Variants in GRID1 observed in about 807,000 individuals in gnomAD.
GRID1 encodes the protein glutamate ionotropic receptor delta type subunit 1.
Under a neutral mutation model 98.0 loss-of-function variants are expected in GRID1, and 28 were observed. The observed-to-expected ratio is 0.29, with a 90% CI of 0.21 to 0.39. GRID1 has a LOEUF of 0.39. Ranked by LOEUF, GRID1 falls within the 10% of genes least tolerant of loss-of-function variation. The pLI, the probability that GRID1 is intolerant of heterozygous loss-of-function variation, is 1.00. For synonymous variants in GRID1, 553 were observed against 538.5 expected, an observed-to-expected ratio of 1.03 and a Z score of -0.37; for missense variants, 1,111 against 1,340.5, an observed-to-expected ratio of 0.83 and a Z score of 2.67.
In GRID1 at chr10:86,065,609, G is replaced by T. The variant is rs559810261; in HGVS notation, c.726+73210C>A. ...GCTATTTCTGATTCCTGCCTCCCTA[G>T]CACCTAACACAAAGCCAGGCCCTTA... On this transcript the variant is annotated intron_variant, in intron 4 of 15. Coordinates refer to ENST00000327946, the MANE Select transcript of GRID1 (RefSeq NM_017551.3). Among the ~76,000 whole-genome samples, 9 of 152,338 alleles carry T rather than the reference G, an allele frequency of 5.9e-5. No individual in the cohort carries two copies. The South Asian group carries it at 1.9e-3, about 32-fold the overall frequency.
At chr10:86,055,943 GA>G (rs1450928275) in intron 4 of GRID1, among the ~76,000 whole-genome samples, 3 of 152,186 alleles carry the variant, frequency 2.0e-5, no homozygotes, top group African/African-American at 7.2e-5. Context: ...CCAGCCTCCA[GA>G]AATGTGAGAA....
Position 86,007,330 on chromosome 10 carries a change from C to T in GRID1, c.727-91091G>A, listed in dbSNP as rs184473094. On this transcript the variant is annotated intron_variant, in intron 4 of 15. Coordinates refer to ENST00000327946, the MANE Select transcript of GRID1 (RefSeq NM_017551.3). Reference sequence around the variant, plus strand: ...CCCACTGACACTGACCGCTGGAATCCTCAGGTTCTTGAGTTCCAAGTCTGA... The same window carrying T: ...CCCACTGACACTGACCGCTGGAATCTTCAGGTTCTTGAGTTCCAAGTCTGA... Among the ~76,000 whole-genome samples, 72 of 152,328 alleles carry T rather than the reference C, an allele frequency of 4.7e-4. 1 individual carries two copies. The highest frequency in any genetic ancestry group is 1.6e-3 in the African/African-American group (67 of 41,582).
chr10:85,602,466 C>T lies in GRID1; in HGVS notation c.2837G>A (p.Gly946Glu). Residue 946 changes from glycine (G) to glutamate (E), a missense_variant, in exon 16 of 16, where the codon GGG becomes GAG. Physicochemically the swap from Gly to Glu is moderately conservative, Grantham distance 98 (BLOSUM62 -2). Transcript: ENST00000327946. ...SHGTSRTLSS[G>E]PSSNLPLPLS... ...CGGCAGCGGCAGGTTGCTGCTGGGC[C>T]CTGATGAGAGTGTCCGGCTGGTGCC... 1 of 1,614,016 alleles carries T rather than the reference C, an allele frequency of 6.2e-7. No individual in the cohort carries two copies. The highest frequency in any genetic ancestry group is 8.5e-7 in the Non-Finnish European group (1 of 1,180,000).
rs185620970 is a variant in GRID1, at chr10:86,338,007, C to T, written c.235+25934G>A. ...ACAGGCGTGAGCCACCGTACCTGGC[C>T]TGGAACTTCTTTCTAATTCCACCTG... On this transcript the variant is annotated intron_variant, in intron 2 of 15. Coordinates refer to ENST00000327946, the MANE Select transcript of GRID1 (RefSeq NM_017551.3). 3.5e-3 allele frequency among the ~76,000 whole-genome samples: 527 copies of T among 152,286 alleles called. 2 individuals carry two copies. The highest frequency in any genetic ancestry group is 0.012 in the African/African-American group (506 of 41,562).
chr10:85,902,921 C>T (rs1460412677), intron 5 of GRID1, among the ~76,000 whole-genome samples: 1 of 152,168 alleles, frequency 6.6e-6, no homozygotes, highest in Non-Finnish European at 1.5e-5. Flanking sequence ...TCCTCCTCCT[C>T]CACCTCAGGC....
In GRID1 at chr10:85,723,127, C is replaced by A. The variant is rs201449834; in HGVS notation, c.1873G>T (p.Val625Leu). ...AFVQQGGESS[V>L]NSMAMRIVMG... ...ACGATGCGCATGGCCATGGAGTTCA[C>A]GGAAGATTCGCCACCTGCGGGAGGC... The change falls in exon 12 of 16, where the codon GTG (valine) becomes TTG (leucine). Residue 625 changes from valine (V) to leucine (L), a missense_variant. By Grantham distance (32) the Val-to-Leu change is conservative. Transcript: ENST00000327946. The A allele has an allele frequency of 6.2e-7, 1 of 1,607,564 alleles. No individual in the cohort carries two copies. Among genetic ancestry groups the A allele is most frequent in the South Asian group, 1.1e-5 (1 of 89,382 alleles).
At chr10:86,003,831 A>C (rs1288589612) in intron 4 of GRID1, among the ~76,000 whole-genome samples, 1 of 152,228 alleles carries the variant, frequency 6.6e-6, no homozygotes, top group Non-Finnish European at 1.5e-5. Context: ...CAGGATGTGA[A>C]AAATAAAGTG....
Position 86,355,027 on chromosome 10 carries a change from G to A in GRID1, c.235+8914C>T, listed in dbSNP as rs78524882. On this transcript the variant is annotated intron_variant, in intron 2 of 15. Transcript: ENST00000327946. ...CAGCCCAGAACAGGAAGTGAGAGGAGGACAAGTCTCCACCACAGACCACTC... is the reference window on the plus strand; with the variant it reads ...CAGCCCAGAACAGGAAGTGAGAGGAAGACAAGTCTCCACCACAGACCACTC... Among the ~76,000 whole-genome samples, 36 of 152,326 alleles carry A rather than the reference G, an allele frequency of 2.4e-4. No homozygotes were observed. The East Asian group carries it at 6.6e-3, about 28-fold the overall frequency.
At chr10:86,175,470 G>A (rs981749628) in intron 3 of GRID1, among the ~76,000 whole-genome samples, 5 of 151,988 alleles carry the variant, frequency 3.3e-5, no homozygotes, top group Non-Finnish European at 2.9e-5. Context: ...TTGACAAAGA[G>A]AATTCCATAT....
intron 4 of GRID1, among the ~76,000 whole-genome samples, chr10:86,046,040 G>A (rs1843418372): frequency 1.3e-5 from 2 of 152,132 alleles, no homozygotes; most frequent in African/African-American, 4.8e-5. Flanking sequence ...CCAAATTGAG[G>A]ACTAGCTAAA....
At chr10:86,134,571 C>A (rs1483853292) in intron 4 of GRID1, among the ~76,000 whole-genome samples, 1 of 152,188 alleles carries the variant, frequency 6.6e-6, no homozygotes, top group Non-Finnish European at 1.5e-5. Flanking sequence ...GTCCTGAAGT[C>A]TGGATTTCCT....
At position 86,343,052 on chromosome 10, in the gene GRID1, G is replaced by T. The variant is rs183659579; in HGVS notation, c.235+20889C>A. Among the ~76,000 whole-genome samples the T allele has an allele frequency of 5.1e-3, 771 of 152,308 alleles. 1 individual carries two copies. Among genetic ancestry groups the T allele is most frequent in the Non-Finnish European group, 8.7e-3 (592 of 68,032 alleles). On this transcript the variant is annotated intron_variant, in intron 2 of 15. Coordinates refer to ENST00000327946, the MANE Select transcript of GRID1 (RefSeq NM_017551.3). ...GAGGACTTTATGCAGCAGCCTTTCA[G>T]CCACACGAATGTTCTCTCTGCTGAT...
chr10:86,346,197 C>T (rs1848379171), intron 2 of GRID1, among the ~76,000 whole-genome samples: 1 of 152,262 alleles, frequency 6.6e-6, no homozygotes, highest in Admixed American at 6.5e-5. Context: ...AACTCCAGCA[C>T]ATGGGTTCTG....
chr10:86,299,477 TC>T (rs71016129), intron 2 of GRID1, among the ~76,000 whole-genome samples: 1 of 150,362 alleles, frequency 6.7e-6, no homozygotes, highest in Non-Finnish European at 1.5e-5. Context: ...ATGCTATCCC[TC>T]CCCCCTCGCC....
Position 86,195,471 on chromosome 10 carries a change from G to C in GRID1, c.520+10893C>G, listed in dbSNP as rs1845859411. On this transcript the variant is annotated intron_variant, in intron 3 of 15. Coordinates refer to ENST00000327946, the MANE Select transcript of GRID1 (RefSeq NM_017551.3). The surrounding 1 kb of genome is among the most constrained non-coding windows in gnomAD (Gnocchi z 4.4). ...TTTCTTAACCTCAGTGTCTCTCTAA[G>C]AAGACATTAGAAGCCTCTGCAAATT... Among the ~76,000 whole-genome samples the C allele has an allele frequency of 6.6e-6, 1 of 152,048 alleles. No individual in the cohort carries two copies. Among genetic ancestry groups the C allele is most frequent in the Admixed American group, 6.6e-5 (1 of 15,258 alleles).
At chr10:86,194,089 C>T (rs1845841567) in intron 3 of GRID1, among the ~76,000 whole-genome samples, 2 of 152,130 alleles carry the variant, frequency 1.3e-5, no homozygotes, top group African/African-American at 4.8e-5. Context: ...GAACACTTCT[C>T]CTTTCTCTGC....
chr10:86,080,409 AAGGGGAGGGGAGGGG>A (rs1182469301), intron 4 of GRID1, among the ~76,000 whole-genome samples: 23 of 28,524 alleles, frequency 8.1e-4, no homozygotes, highest in African/African-American at 3.4e-3. Flanking sequence ...AAGGGAAGGG[AAGGGGAGGGGAGGGG>A]AGGGGAGGGG....
chr10:86,067,631 G>A (rs1184530813), intron 4 of GRID1, among the ~76,000 whole-genome samples: 3 of 152,248 alleles, frequency 2.0e-5, no homozygotes, highest in Non-Finnish European at 4.4e-5. Context: ...ACCACCGGGT[G>A]TGCCCATCCC....
chr10:85,931,886 G>GCA (rs1841854918), intron 4 of GRID1, among the ~76,000 whole-genome samples: 1 of 152,172 alleles, frequency 6.6e-6, no homozygotes, highest in South Asian at 2.1e-4. Context: ...CCCAATGTCA[G>GCA]CATTTGGAGG....
Sources: allele counts gnomAD v4.1 joint callset (sites outside exome capture counted in the v4.1 genomes callset), GRCh38; gene constraint gnomAD v4.1.1; non-coding constraint Gnocchi (gnomAD v3.1); transcripts MANE v1.5; gene names NCBI Gene and HGNC (gene_info 2026-07-23, HGNC 2026-07-21).